The following EIF4ENIF1 variants were observed in gnomAD, a reference collection of about 807,000 sequenced individuals.
The protein encoded by EIF4ENIF1 is eukaryotic translation initiation factor 4E transporter.
In EIF4ENIF1, 23 loss-of-function variants were observed where a neutral mutation model predicts 110.5. That is an observed-to-expected ratio of 0.21 (90% CI 0.15 to 0.29). The LOEUF is 0.29. Among genes scored for constraint, EIF4ENIF1 ranks in the 10% least tolerant of loss-of-function variants. The pLI is 1.00. For missense variants in EIF4ENIF1, 1,031 were observed against 1,221.1 expected (o/e 0.84, Z 2.32); for synonymous variants, 440 against 437.0 (o/e 1.01, Z -0.09).
rs761891088 is a variant in EIF4ENIF1, at chr22:31,448,158, C to T, written c.1843G>A (p.Ala615Thr). Residue 615 changes from alanine (A) to threonine (T), a missense_variant, in exon 13 of 19, where the codon GCC becomes ACC. Transcript: ENST00000330125. ...GMRKPMSPIT[A>T]QMSQLELQQA... The stretch of plus-strand genomic sequence containing the variant: ...TTGAGAAAGCTCAGCCTGACCTGGG[C>T]TGTGATGGGGCTCATGGGTTTGCGC... 1.2e-6 allele frequency: 2 copies of T among 1,614,044 alleles called. No individual in the cohort carries two copies. Among genetic ancestry groups the T allele is most frequent in the Admixed American group, 3.3e-5 (2 of 59,994 alleles).
At chr22:31,482,204 G>A (rs1416418127) in intron 2 of EIF4ENIF1, among the ~76,000 whole-genome samples, 4 of 151,212 alleles carry the variant, frequency 2.6e-5, no homozygotes, top group African/African-American at 9.7e-5. Context: ...GTTAAACTAA[G>A]ATAATTCAAC....
intron 16 of EIF4ENIF1, among the ~76,000 whole-genome samples, chr22:31,442,406 T>C (rs2050330447): frequency 6.6e-6 from 1 of 152,140 alleles, no homozygotes; most frequent in Non-Finnish European, 1.5e-5. Flanking sequence ...CCAAACTGTC[T>C]TAATAGTACC....
chr22:31,460,886 C>G (rs367595750), intron 6 of EIF4ENIF1, among the ~76,000 whole-genome samples: 1 of 149,566 alleles, frequency 6.7e-6, no homozygotes, highest in Admixed American at 6.6e-5. Flanking sequence ...CGGAGTTTGC[C>G]GTGAGCTAAG....
At chr22:31,486,284 TAA>T (rs200695190) in intron 2 of EIF4ENIF1, among the ~76,000 whole-genome samples, 140,136 of 150,436 alleles carry the variant, frequency 0.93, 65,337 homozygotes, top group East Asian at 0.99. Flanking sequence ...AAAAAAAAAA[TAA>T]AAATAAAAAT....
downstream of EIF4ENIF1, among the ~76,000 whole-genome samples, chr22:31,438,862 A>C (rs1463418989): frequency 3.3e-5 from 5 of 151,984 alleles, no homozygotes; most frequent in Non-Finnish European, 5.9e-5. Flanking sequence ...AGCTGGGACT[A>C]CAAGTGTGGG....
chr22:31,456,506 A>G (rs981461307), intron 7 of EIF4ENIF1, among the ~76,000 whole-genome samples: 8 of 149,606 alleles, frequency 5.3e-5, no homozygotes, highest in African/African-American at 9.9e-5. Context: ...TACAAGCATG[A>G]GCCACCACAC....
chr22:31,475,695 C>G (rs2051544886), intron 2 of EIF4ENIF1, among the ~76,000 whole-genome samples: 1 of 150,286 alleles, frequency 6.7e-6, no homozygotes. Context: ...TGCACTCCAG[C>G]CTGGGTGACA....
chr22:31,485,446 AT>A (rs2051982349), intron 2 of EIF4ENIF1, among the ~76,000 whole-genome samples: 1 of 152,218 alleles, frequency 6.6e-6, no homozygotes, highest in South Asian at 2.1e-4. Flanking sequence ...TGAAATATAC[AT>A]GTTAACCTCT....
intron 15 of EIF4ENIF1, among the ~76,000 whole-genome samples, chr22:31,443,857 C>T (rs373941581): frequency 9.6e-5 from 14 of 145,802 alleles, no homozygotes; most frequent in South Asian, 8.7e-4. Flanking sequence ...GGCAGTGGCA[C>T]GATCTTGGCT....
upstream of EIF4ENIF1, chr22:31,489,874 C>T (rs972100573): frequency 6.6e-6 from 1 of 152,194 alleles, no homozygotes; most frequent in Non-Finnish European, 1.5e-5. Flanking sequence ...CCTCTTCGGC[C>T]CCCTCCCCCT....
At position 31,463,862 on chromosome 22, in the gene EIF4ENIF1, C is replaced by A. The variant is rs144947064; in HGVS notation, c.404G>T (p.Arg135Leu). ...ATCTTTCTCTAATGGACTTCCTGAG[C>A]GCCGGGAGCTAACAGCGGCTGTCAC... ...CHVTAAVSSR[R>L]SGSPLEKDSD... is the part of the protein sequence containing the mutation. Residue 135 changes from arginine (R) to leucine (L), a missense_variant, in exon 5 of 19, where the codon CGC becomes CTC. Coordinates refer to ENST00000330125, the MANE Select transcript of EIF4ENIF1 (RefSeq NM_019843.4). 2.5e-6 allele frequency: 4 copies of A among 1,613,954 alleles called. No homozygotes were observed. The African/African-American group carries it at 5.3e-5, about 22-fold the overall frequency.
intron 6 of EIF4ENIF1, among the ~76,000 whole-genome samples, chr22:31,459,591 T>C (rs543051084): frequency 1.7e-3 from 257 of 152,276 alleles, no homozygotes; most frequent in Non-Finnish European, 2.8e-3. Flanking sequence ...AGTAACTCTC[T>C]GGTGAGGCTA....
At chr22:31,488,053 T>C (rs1345013555) in intron 2 of EIF4ENIF1, among the ~76,000 whole-genome samples, 3 of 152,134 alleles carry the variant, frequency 2.0e-5, no homozygotes, top group Non-Finnish European at 4.4e-5. Flanking sequence ...ACTTCCTCTC[T>C]CTCCCAAAAG....
At chr22:31,466,258 C>T (rs1202161593) in intron 4 of EIF4ENIF1, among the ~76,000 whole-genome samples, 1 of 152,092 alleles carries the variant, frequency 6.6e-6, no homozygotes, top group Non-Finnish European at 1.5e-5. Flanking sequence ...ACTAAAAATA[C>T]AAAAATTAGC....
rs548496987 is a variant in EIF4ENIF1, at chr22:31,440,575, C to T, written c.2716+129G>A. On this transcript the variant is annotated intron_variant, in intron 18 of 18. Transcript: ENST00000330125. ...TTTACTTCATCTTATTATCTGGTTACACTTTGTCCCAAACTTAGAACAAGT... is the reference window on the plus strand; with the variant it reads ...TTTACTTCATCTTATTATCTGGTTATACTTTGTCCCAAACTTAGAACAAGT... 253 of 1,169,672 alleles carry T rather than the reference C, an allele frequency of 2.2e-4. 1 individual carries two copies. Among genetic ancestry groups the T allele is most frequent in the South Asian group, 4.6e-4 (29 of 63,378 alleles). The allele number at this position is 1,169,672 out of a possible 1,614,324, so 72.5% of individuals were successfully genotyped here. A position where few individuals can be genotyped will look rare whatever the true frequency, so the allele number is the denominator to read the frequency against.
intron 2 of EIF4ENIF1, among the ~76,000 whole-genome samples, chr22:31,472,459 G>A (rs978534337): frequency 8.5e-5 from 13 of 152,206 alleles, no homozygotes; most frequent in Non-Finnish European, 1.8e-4. Flanking sequence ...AGTAGAGACG[G>A]GGTTTTGCCA....
At chr22:31,476,703 T>C (rs1326030056) in intron 2 of EIF4ENIF1, among the ~76,000 whole-genome samples, 1 of 151,976 alleles carries the variant, frequency 6.6e-6, no homozygotes, top group Non-Finnish European at 1.5e-5. Context: ...AAGACCAGCC[T>C]GGCACGCCTG....
chr22:31,492,251 T>G (rs2052292568), upstream of EIF4ENIF1, among the ~76,000 whole-genome samples: 1 of 152,210 alleles, frequency 6.6e-6, no homozygotes, highest in African/African-American at 2.4e-5. Context: ...CTGGAATCAG[T>G]TCTACCACGT....
At chr22:31,465,868 A>G (rs1440088371) in intron 4 of EIF4ENIF1, among the ~76,000 whole-genome samples, 1 of 152,240 alleles carries the variant, frequency 6.6e-6, no homozygotes, top group Non-Finnish European at 1.5e-5. Context: ...ACGTGGATAA[A>G]TCGTAACTAT....
Sources: allele counts gnomAD v4.1 joint callset (sites outside exome capture counted in the v4.1 genomes callset), GRCh38; gene constraint gnomAD v4.1.1; transcripts MANE v1.5; gene names NCBI Gene and HGNC (gene_info 2026-07-23, HGNC 2026-07-21).